Variants in PITPNM2 observed in about 807,000 individuals in gnomAD.
The protein encoded by PITPNM2 is membrane-associated phosphatidylinositol transfer protein 2.
A neutral mutation model predicts 132.2 loss-of-function variants in PITPNM2; 35 were observed. That is an observed-to-expected ratio of 0.26 (90% CI 0.20 to 0.35). PITPNM2 has a LOEUF of 0.35. Among genes scored for constraint, PITPNM2 ranks in the 10% least tolerant of loss-of-function variants. The probability of loss-of-function intolerance (pLI) is 1.00; values close to 1 mark genes in which losing one functional copy is unlikely to be tolerated. For missense variants in PITPNM2, 1,332 were observed against 1,912.0 expected (o/e 0.70, Z 5.66); for synonymous variants, 738 against 799.2 (o/e 0.92, Z 1.29).
In PITPNM2 at chr12:122,996,770, G is replaced by T. The variant is rs530548897; in HGVS notation, c.1613C>A (p.Ala538Asp). The change falls in exon 12 of 26, where the codon GCC becomes GAC. Residue 538 changes from alanine (A) to aspartate (D), a missense_variant. Ala to Asp is a moderately radical substitution (Grantham distance 126). Around this residue, in one of 6 missense-constraint regions of PITPNM2, gnomAD observed 710 missense variants for 911.5 expected, o/e 0.78. Coordinates refer to ENST00000320201, the MANE Select transcript of PITPNM2 (RefSeq NM_020845.3). ...VATVIQRANL[A>D]YGDFIKSQEG... is the part of the protein sequence containing the mutation. ...CTGGGACTTGATGAAGTCCCCATAG[G>T]CAAGGTTGGCTCGCTGAATCACTGT... 1 of 1,611,868 alleles carries T rather than the reference G, an allele frequency of 6.2e-7. No individual in the cohort carries two copies. The highest frequency in any genetic ancestry group is 1.1e-5 in the South Asian group (1 of 90,818).
intron 2 of PITPNM2, among the ~76,000 whole-genome samples, chr12:123,079,230 C>T (rs945174510): frequency 2.6e-5 from 4 of 152,208 alleles, no homozygotes; most frequent in East Asian, 3.9e-4. Flanking sequence ...GGTCTGCATC[C>T]GGCACCAGAG....
chr12:123,071,589 A>G (rs1057311191), intron 2 of PITPNM2, among the ~76,000 whole-genome samples: 2 of 152,222 alleles, frequency 1.3e-5, no homozygotes, highest in Admixed American at 6.5e-5. Flanking sequence ...AACATTTGGG[A>G]GCATGAAAAG....
At chr12:123,014,175 G>T (rs1054587560) in intron 3 of PITPNM2, 133 bp from the exon 4 acceptor site, 2 of 879,746 alleles carry the variant, frequency 2.3e-6, no homozygotes, top group African/African-American at 1.7e-5. Context: ...CTCCTCCTGT[G>T]TCACTTCCAG....
rs117516989 is a variant in PITPNM2 at position 123,059,716 on chromosome 12, G to A, written c.-95-25031C>T. On this transcript the variant is annotated intron_variant, in intron 2 of 25. Coordinates refer to ENST00000320201, the MANE Select transcript of PITPNM2 (RefSeq NM_020845.3). ...AAGGCAGAGCCTAAGAAAGGGCCCA[G>A]AGTCTGGTGTATGCCTGATTCTGTG... Among the ~76,000 whole-genome samples, 24 of 152,358 alleles carry A rather than the reference G, an allele frequency of 1.6e-4. No individual in the cohort carries two copies. The East Asian group carries it at 3.9e-3, about 24-fold the overall frequency.
At chr12:122,991,496 G>C (rs928742481) in intron 16 of PITPNM2, among the ~76,000 whole-genome samples, 2 of 152,214 alleles carry the variant, frequency 1.3e-5, no homozygotes, top group African/African-American at 4.8e-5. Flanking sequence ...CTGACTTGCT[G>C]TGTGGCCCTG....
chr12:122,994,742 G>C lies in PITPNM2; in HGVS notation c.2233+59C>G, dbSNP rs1266161363. 2.0e-6 allele frequency: 3 copies of C among 1,526,590 alleles called. No individual in the cohort carries two copies. Among genetic ancestry groups the C allele is most frequent in the Non-Finnish European group, 2.6e-6 (3 of 1,137,358 alleles). The allele number at this position is 1,526,590 out of a possible 1,614,324, so 94.6% of individuals were successfully genotyped here. On this transcript the variant is annotated intron_variant, in intron 15 of 25. Transcript: ENST00000320201. This position sits in a 1 kb window ranked among gnomAD's most constrained non-coding sequence, Gnocchi z 5.4. The stretch of plus-strand genomic sequence containing the variant: ...TGATCTCATCACAGGGGTCCACTGA[G>C]ACCCCCGCCCCCGCACCCAGTGCAT...
chr12:123,041,691 T>C (rs1291613389), intron 2 of PITPNM2, among the ~76,000 whole-genome samples: 1 of 152,132 alleles, frequency 6.6e-6, no homozygotes, highest in Non-Finnish European at 1.5e-5. Flanking sequence ...AATTATGTTT[T>C]ACTGCTGTCT....
Position 122,993,869 on chromosome 12 carries a change from AT to A in PITPNM2, c.2233+931del, listed in dbSNP as rs542417278. The stretch of plus-strand genomic sequence containing the variant: ...TTGGGTGCTGAGTCCAGAGGTCTGC[AT>A]TTTTTTTTTTCTTTTTTTTTGAGAC... On this transcript the variant is annotated intron_variant, in intron 15 of 25. Transcript: ENST00000320201. The surrounding 1 kb of genome is among the most constrained non-coding windows in gnomAD (Gnocchi z 5.2). Among the ~76,000 whole-genome samples, 154 of 144,396 alleles carry A rather than the reference AT, an allele frequency of 1.1e-3. 2 individuals are homozygous for A. The highest frequency in any genetic ancestry group is 3.6e-3 in the Middle Eastern group (1 of 280). 94.7% of individuals were successfully genotyped at this position (144,396 alleles called of 152,430 possible). A position where few individuals can be genotyped will look rare whatever the true frequency, so the allele number is the denominator to read the frequency against.
At chr12:123,040,074 G>T (rs955507005) in intron 2 of PITPNM2, among the ~76,000 whole-genome samples, 1 of 152,132 alleles carries the variant, frequency 6.6e-6, no homozygotes. Flanking sequence ...AGGTTGCAGT[G>T]AGCCAAGATC....
At position 123,004,484 on chromosome 12, in the gene PITPNM2, G is replaced by A; in HGVS notation, c.958C>T (p.Pro320Ser). 6.2e-7 allele frequency: 1 copy of A among 1,613,706 alleles called. No homozygotes were observed. The highest frequency in any genetic ancestry group is 8.5e-7 in the Non-Finnish European group (1 of 1,179,988). Residue 320 changes from proline to serine, a missense_variant, in exon 8 of 26, where the codon CCT (proline) becomes TCT (serine). By Grantham distance (74) the Pro-to-Ser change is moderately conservative. This residue lies in a region of PITPNM2 where 710 missense variants were observed against 911.5 expected (regional missense o/e 0.78). Transcript: ENST00000320201. This position sits in a 1 kb window ranked among gnomAD's most constrained non-coding sequence, Gnocchi z 4.9. ...SSRSSKRGAS[P>S]SRHSISEWRM... The stretch of plus-strand genomic sequence containing the variant: ...CACTCTGAGATGCTGTGGCGGGAAG[G>A]ACTCGCTGGAAGGCAAAACCCCAGA...
At chr12:123,074,358 A>T (rs1271861773) in intron 2 of PITPNM2, among the ~76,000 whole-genome samples, 2 of 152,086 alleles carry the variant, frequency 1.3e-5, no homozygotes, top group African/African-American at 2.4e-5. Flanking sequence ...TGCAAAGTTA[A>T]AGATGCCCAA....
In PITPNM2 at chr12:123,005,092, A is replaced by T. The variant is rs1361315070; in HGVS notation, c.952+148T>A. On this transcript the variant is annotated intron_variant, in intron 7 of 25. Coordinates refer to ENST00000320201, the MANE Select transcript of PITPNM2 (RefSeq NM_020845.3). The surrounding 1 kb of genome is among the most constrained non-coding windows in gnomAD (Gnocchi z 6.2). ...GGCCCAGGCTTCCCTGTGTGCGAGG[A>T]CTAGCCCAGGGCTCTGACTCCCTCT... 4 of 975,208 alleles carry T rather than the reference A, an allele frequency of 4.1e-6. No individual in the cohort carries two copies. Among genetic ancestry groups the T allele is most frequent in the African/African-American group, 1.6e-5 (1 of 61,318 alleles). The allele number at this position is 975,208 out of a possible 1,614,324, so 60.4% of individuals were successfully genotyped here. A position where few individuals can be genotyped will look rare whatever the true frequency, so the allele number is the denominator to read the frequency against.
chr12:123,001,101 T>C lies in PITPNM2; in HGVS notation c.1106A>G (p.Asn369Ser), dbSNP rs773683640. The part of the protein sequence containing the change: ...FPKDITKWSS[N>S]DLMDKIESPE... Reference sequence around the variant, plus strand: ...GCTCTCGATCTTGTCCATGAGGTCATTGGAGCTCCACTTGGTGATGTCCTT... The same window carrying C: ...GCTCTCGATCTTGTCCATGAGGTCACTGGAGCTCCACTTGGTGATGTCCTT... The change falls in exon 9 of 26, where the codon AAT (asparagine) becomes AGT (serine). Residue 369 changes from asparagine (N) to serine (S), a missense_variant. Physicochemically the swap from Asn to Ser is conservative, Grantham distance 46. Coordinates refer to ENST00000320201, the MANE Select transcript of PITPNM2 (RefSeq NM_020845.3). 24 of 1,614,048 alleles carry C rather than the reference T, an allele frequency of 1.5e-5. No individual in the cohort carries two copies. Among genetic ancestry groups the C allele is most frequent in the Middle Eastern group, 1.6e-4 (1 of 6,084 alleles).
chr12:123,068,421 C>A (rs2041509777), intron 2 of PITPNM2, among the ~76,000 whole-genome samples: 1 of 151,820 alleles, frequency 6.6e-6, no homozygotes, highest in South Asian at 2.1e-4. Flanking sequence ...GCACTCCAGC[C>A]TGGGCGACAG....
chr12:123,018,226 C>T (rs990815720), intron 3 of PITPNM2, among the ~76,000 whole-genome samples: 6 of 151,588 alleles, frequency 4.0e-5, no homozygotes, highest in African/African-American at 7.3e-5. Flanking sequence ...CATTCCACCA[C>T]ATCTGGTTAA....
At position 122,993,235 on chromosome 12, in the gene PITPNM2, A is replaced by T. The variant is rs1025381816; in HGVS notation, c.2234-566T>A. Among the ~76,000 whole-genome samples, 19 of 152,154 alleles carry T rather than the reference A, an allele frequency of 1.2e-4. No individual in the cohort carries two copies. The highest frequency in any genetic ancestry group is 4.3e-4 in the African/African-American group (18 of 41,442). The stretch of plus-strand genomic sequence containing the variant: ...ATGGTGGAAACCCCTTCCACCCCAG[A>T]TCCCCCCGAAGCTCCAGCTCATCTT... On this transcript the variant is annotated intron_variant, in intron 15 of 25. Transcript: ENST00000320201. This position sits in a 1 kb window ranked among gnomAD's most constrained non-coding sequence, Gnocchi z 5.2.
At chr12:123,093,583 A>T (rs2042327958) in intron 2 of PITPNM2, among the ~76,000 whole-genome samples, 1 of 151,950 alleles carries the variant, frequency 6.6e-6, no homozygotes, top group African/African-American at 2.4e-5. Context: ...TCCTCCTGCC[A>T]CTCGGCAGCC....
intron 2 of PITPNM2, among the ~76,000 whole-genome samples, chr12:123,079,350 C>CTTTTT (rs139205213): frequency 0.02 from 1,092 of 53,900 alleles, 7 homozygotes; most frequent in Non-Finnish European, 0.026. Flanking sequence ...TTTTTCTTTT[C>CTTTTT]TTTTTTTTTT....
intron 2 of PITPNM2, among the ~76,000 whole-genome samples, chr12:123,052,238 T>C (rs1030177088): frequency 1.3e-5 from 2 of 152,102 alleles, no homozygotes; most frequent in Non-Finnish European, 2.9e-5. Flanking sequence ...GTTTTTCCAT[T>C]CTATTCTTAC....
Sources: gnomAD v4.1 joint callset for allele counts (sites outside exome capture counted in the v4.1 genomes callset) on GRCh38, gnomAD v4.1.1 for gene constraint, gnomAD v4.1.1 regional missense constraint, Gnocchi (gnomAD v3.1) non-coding constraint, MANE v1.5 for transcripts, NCBI Gene and HGNC (gene_info 2026-07-23, HGNC 2026-07-21) for gene names.